NFE2L3: variants seen among roughly 807,000 people sequenced by gnomAD.
NFE2L3 encodes nuclear factor erythroid 2-related factor 3.
NFE2L3 carries 18 observed loss-of-function variants against 23.5 expected under a neutral mutation model. The observed-to-expected ratio is 0.77, with a 90% CI of 0.53 to 1.13. NFE2L3 has a LOEUF of 1.13. Among genes scored for constraint, NFE2L3 ranks in the 50% most tolerant of loss-of-function variants. The pLI, the probability that NFE2L3 is intolerant of heterozygous loss-of-function variation, is 0.00. For missense variants in NFE2L3, 1,152 were observed against 877.2 expected, an observed-to-expected ratio of 1.31 and a Z score of -3.96; for synonymous variants, 424 against 354.5, an observed-to-expected ratio of 1.20 and a Z score of -2.20.
rs903063288 is a variant in NFE2L3, at chr7:26,152,479, T to C, written c.-20T>C. The C allele has an allele frequency of 7.0e-6, 9 of 1,286,884 alleles. No individual in the cohort carries two copies. The African/African-American group carries it at 1.4e-4, about 20-fold the overall frequency. The allele number at this position is 1,286,884 out of a possible 1,614,324, so 79.7% of individuals were successfully genotyped here. A position where few individuals can be genotyped will look rare whatever the true frequency, so the allele number is the denominator to read the frequency against. On this transcript the variant is annotated 5_prime_UTR_variant, in exon 1 of 4. Transcript: ENST00000056233. The surrounding 1 kb of genome is among the most constrained non-coding windows in gnomAD (Gnocchi z 4.4). ...GGACCCGCGGGCGCCGGCAGGGGCG[T>C]TCCCGGGCGCGCGGCGGCGATGAAG...
intron 1 of NFE2L3, among the ~76,000 whole-genome samples, chr7:26,163,106 G>C (rs759235845): frequency 6.6e-6 from 1 of 152,068 alleles, no homozygotes; most frequent in Non-Finnish European, 1.5e-5. Flanking sequence ...ATTCATGGCC[G>C]GTCATGTTTC....
In NFE2L3 at chr7:26,183,785, G is replaced by A; in HGVS notation, c.834+1G>A. On this transcript the variant is annotated splice_donor_variant, in intron 3 of 3. Coordinates refer to ENST00000056233, the MANE Select transcript of NFE2L3 (RefSeq NM_004289.7). LOFTEE classifies it high-confidence loss of function. ...ATCACAGCCTGAAAATTCACTGGAG[G>A]TAATTGGAACTTTGGCTTTTATCCT... 1 of 1,607,332 alleles carries A rather than the reference G, an allele frequency of 6.2e-7. No homozygotes were observed. The highest frequency in any genetic ancestry group is 8.5e-7 in the Non-Finnish European group (1 of 1,173,820).
intron 1 of NFE2L3, among the ~76,000 whole-genome samples, chr7:26,161,361 T>TTG (rs1784169413): frequency 2.0e-5 from 2 of 100,196 alleles, no homozygotes; most frequent in Non-Finnish European, 3.8e-5. Flanking sequence ...TTTTTTTTTT[T>TTG]TTTGGGTCTT....
chr7:26,152,504 G>T lies in NFE2L3; in HGVS notation c.6G>T (p.Lys2Asn). ...TTCCCGGGCGCGCGGCGGCGATGAAGCACCTGAAGCGGTGGTGGTCGGCCG... is the reference window on the plus strand; with the variant it reads ...TTCCCGGGCGCGCGGCGGCGATGAATCACCTGAAGCGGTGGTGGTCGGCCG... The part of the protein sequence containing the change: M[K>N]HLKRWWSAGG... Residue 2 changes from lysine to asparagine, a missense_variant, in exon 1 of 4, where the codon AAG (lysine) becomes AAT (asparagine). Transcript: ENST00000056233. The surrounding 1 kb of genome is among the most constrained non-coding windows in gnomAD (Gnocchi z 4.4). 7.4e-7 allele frequency: 1 copy of T among 1,345,254 alleles called. No homozygotes were observed. Among genetic ancestry groups the T allele is most frequent in the Non-Finnish European group, 9.5e-7 (1 of 1,049,018 alleles). 83.3% of individuals were successfully genotyped at this position (1,345,254 alleles called of 1,614,324 possible).
chr7:26,168,164 TCATACTCTGTCAC>T (rs1284932936), intron 1 of NFE2L3, among the ~76,000 whole-genome samples: 4 of 150,620 alleles, frequency 2.7e-5, no homozygotes, highest in Non-Finnish European at 5.9e-5. Context: ...TGAGACAGAG[TCATACTCTGTCAC>T]CCAGACTGGA....
At position 26,184,681 on chromosome 7, in the gene NFE2L3, G is replaced by T; in HGVS notation, c.983G>T (p.Arg328Ile). 2 of 1,613,914 alleles carry T rather than the reference G, an allele frequency of 1.2e-6. No homozygotes were observed. Among genetic ancestry groups the T allele is most frequent in the South Asian group, 2.2e-5 (2 of 91,074 alleles). ...TTGCTTTGTCCCAACAATACATTTA[G>T]AAGAGATCCAACAGCAAGGACTTCA... is the stretch of plus-strand genomic sequence containing the variant. ...AILLCPNNTFRRDPTARTSQS... is the reference protein window; with the variant it reads ...AILLCPNNTFIRDPTARTSQS... Residue 328 changes from arginine to isoleucine, a missense_variant, in exon 4 of 4, where the codon AGA becomes ATA. Physicochemically the swap from Arg to Ile is moderately conservative, Grantham distance 97. Transcript: ENST00000056233.
At chr7:26,160,200 C>T (rs921920826) in intron 1 of NFE2L3, among the ~76,000 whole-genome samples, 2 of 152,140 alleles carry the variant, frequency 1.3e-5, no homozygotes, top group Non-Finnish European at 2.9e-5. Flanking sequence ...TCAAGCTATC[C>T]TCCTGCCTCT....
chr7:26,179,405 TGGGA>T (rs926799416), intron 2 of NFE2L3, among the ~76,000 whole-genome samples: 2 of 150,692 alleles, frequency 1.3e-5, no homozygotes, highest in African/African-American at 4.9e-5. Flanking sequence ...GAGGCTGAGG[TGGGA>T]GGATCACCTG....
At chr7:26,183,573 C>T (rs1422635201) in intron 2 of NFE2L3, 128 bp from the exon 3 acceptor site, 10 of 638,924 alleles carry the variant, frequency 1.6e-5, no homozygotes, top group Non-Finnish European at 2.5e-5. Flanking sequence ...GAACTTCCAA[C>T]CAAGGAACAT....
At chr7:26,164,266 C>A (rs1784214787) in intron 1 of NFE2L3, among the ~76,000 whole-genome samples, 1 of 152,192 alleles carries the variant, frequency 6.6e-6, no homozygotes. Flanking sequence ...AGTTTACAGT[C>A]CCATCAACAG....
At chr7:26,159,708 T>TG (rs1784139705) in intron 1 of NFE2L3, among the ~76,000 whole-genome samples, 1 of 152,168 alleles carries the variant, frequency 6.6e-6, no homozygotes, top group Admixed American at 6.5e-5. Context: ...TCTGAGTGGA[T>TG]GAGGGCAGTG....
At chr7:26,153,590 T>G (rs994790675) in intron 1 of NFE2L3, among the ~76,000 whole-genome samples, 5 of 152,218 alleles carry the variant, frequency 3.3e-5, no homozygotes, top group African/African-American at 1.2e-4. Flanking sequence ...TCAGGGTCTA[T>G]TCAGAGGCCA....
At chr7:26,164,973 A>T (rs1784226355) in intron 1 of NFE2L3, among the ~76,000 whole-genome samples, 1 of 152,058 alleles carries the variant, frequency 6.6e-6, no homozygotes, top group Non-Finnish European at 1.5e-5. Flanking sequence ...ATGTGGCATT[A>T]TTTCTGAGGG....
chr7:26,185,160 G>T lies in NFE2L3; in HGVS notation c.1462G>T (p.Asp488Tyr). The T allele has an allele frequency of 3.7e-6, 6 of 1,613,832 alleles. No homozygotes were observed. The highest frequency in any genetic ancestry group is 5.1e-6 in the Non-Finnish European group (6 of 1,179,840). ...LDQSDSDFHG[D>Y]LTFQHVFHNH... ...TCAAAGTGATTCTGATTTCCATGGA[G>T]ATCTTACATTTCAACACGTATTTCA... Residue 488 changes from aspartate (D) to tyrosine (Y), a missense_variant, in exon 4 of 4, where the codon GAT becomes TAT. Physicochemically the swap from Asp to Tyr is radical, Grantham distance 160. Transcript: ENST00000056233.
intron 1 of NFE2L3, among the ~76,000 whole-genome samples, chr7:26,159,891 G>A (rs983384331): frequency 1.1e-4 from 17 of 150,448 alleles, no homozygotes; most frequent in East Asian, 1.9e-4. Flanking sequence ...AAAAACAAAA[G>A]TCTGTCTCGT....
chr7:26,166,718 A>G (rs918054898), intron 1 of NFE2L3, among the ~76,000 whole-genome samples: 1 of 152,250 alleles, frequency 6.6e-6, no homozygotes, highest in Admixed American at 6.5e-5. Flanking sequence ...CAGGCCAAAC[A>G]GGACACAGTC....
At chr7:26,179,074 CTT>C (rs1221775163) in intron 2 of NFE2L3, among the ~76,000 whole-genome samples, 7 of 152,154 alleles carry the variant, frequency 4.6e-5, no homozygotes, top group African/African-American at 1.7e-4. Flanking sequence ...GGTTTGTTCT[CTT>C]TGCCTGCCTA....
chr7:26,161,868 C>T (rs1583927601), intron 1 of NFE2L3, among the ~76,000 whole-genome samples: 2 of 152,008 alleles, frequency 1.3e-5, no homozygotes, highest in Admixed American at 1.3e-4. Flanking sequence ...TAATGCCAGG[C>T]GCAGTGGCTC....
intron 1 of NFE2L3, among the ~76,000 whole-genome samples, chr7:26,177,525 G>GCAGGGAGGTTGCAGCGAGCCAAGAT (rs1784435505): frequency 6.6e-6 from 1 of 152,156 alleles, no homozygotes; most frequent in Non-Finnish European, 1.5e-5. Context: ...GGAGCCCGAG[G>GCAGGGAGGTTGCAGCGAGCCAAGAT]CAGGGAGGTT....
Sources: gnomAD v4.1 joint callset for allele counts (sites outside exome capture counted in the v4.1 genomes callset) on GRCh38, gnomAD v4.1.1 for gene constraint, Gnocchi (gnomAD v3.1) non-coding constraint, MANE v1.5 for transcripts, NCBI Gene and HGNC (gene_info 2026-07-23, HGNC 2026-07-21) for gene names.